MAGI2: variants seen among roughly 807,000 people sequenced by gnomAD.
MAGI2 encodes membrane-associated guanylate kinase, WW and PDZ domain-containing protein 2.
MAGI2 carries 35 observed loss-of-function variants against 133.3 expected under a neutral mutation model. That is an observed-to-expected ratio of 0.26 (90% CI 0.20 to 0.35). The LOEUF (loss-of-function observed/expected upper bound fraction) is 0.35, where lower values mean the gene tolerates loss of function less well. Among genes scored for constraint, MAGI2 ranks in the 10% least tolerant of loss-of-function variants. MAGI2 has a pLI of 1.00. For synonymous variants in MAGI2, 729 were observed against 710.6 expected (o/e 1.03, Z -0.41); for missense variants, 1,636 against 1,863.4 (o/e 0.88, Z 2.25).
At chr7:78,197,598 T>C (rs1434699103) in intron 11 of MAGI2, among the ~76,000 whole-genome samples, 1 of 152,208 alleles carries the variant, frequency 6.6e-6, no homozygotes, top group Non-Finnish European at 1.5e-5. Context: ...CCATGGCAGA[T>C]TGACAAATTC....
At chr7:79,295,910 T>C (rs1263311445) in intron 1 of MAGI2, among the ~76,000 whole-genome samples, 2 of 152,214 alleles carry the variant, frequency 1.3e-5, no homozygotes, top group African/African-American at 2.4e-5. Flanking sequence ...ATTTTACTTA[T>C]ATATTTATTC....
At chr7:78,650,733 T>C (rs753206534) in intron 2 of MAGI2, among the ~76,000 whole-genome samples, 2 of 152,188 alleles carry the variant, frequency 1.3e-5, no homozygotes, top group Non-Finnish European at 2.9e-5. Context: ...TCACTAAGTA[T>C]TTCTGCTGAC....
rs1317864482 is a variant in MAGI2 at position 78,642,213 on chromosome 7, A to G, written c.419-14974T>C. ...ATTGGATAAAGCAGTATTCACAGTA[A>G]TATTTTATGTTTGATAGAAAATTTG... On this transcript the variant is annotated intron_variant, in intron 2 of 21. Transcript: ENST00000354212. 3.9e-5 allele frequency among the ~76,000 whole-genome samples: 6 copies of G among 152,220 alleles called. No individual in the cohort carries two copies. The East Asian group carries it at 7.7e-4, about 20-fold the overall frequency.
intron 1 of MAGI2, among the ~76,000 whole-genome samples, chr7:79,135,949 A>G (rs1260596534): frequency 1.6e-4 from 3 of 19,290 alleles, no homozygotes; most frequent in Admixed American, 1.6e-3. Context: ...GAAAGAAAGA[A>G]AGAAAGAAAG....
chr7:78,689,611 A>G (rs890200659), intron 2 of MAGI2, among the ~76,000 whole-genome samples: 9 of 149,656 alleles, frequency 6.0e-5, no homozygotes, highest in African/African-American at 2.2e-4. Flanking sequence ...TTCTGTCACT[A>G]TAGATTAGTT....
intron 2 of MAGI2, among the ~76,000 whole-genome samples, chr7:78,792,543 C>A (rs1001818503): frequency 6.6e-6 from 1 of 152,076 alleles, no homozygotes; most frequent in African/African-American, 2.4e-5. Context: ...TCCTACACAC[C>A]CAGCCTGTCA....
intron 3 of MAGI2, among the ~76,000 whole-genome samples, chr7:78,524,655 TAAATC>T (rs1299293011): frequency 1.3e-5 from 2 of 152,198 alleles, no homozygotes; most frequent in Non-Finnish European, 2.9e-5. Context: ...GCATTTAAAA[TAAATC>T]AGACCTCTAT....
At chr7:78,866,425 T>G (rs1185839748) in intron 2 of MAGI2, among the ~76,000 whole-genome samples, 1 of 151,736 alleles carries the variant, frequency 6.6e-6, no homozygotes, top group South Asian at 2.1e-4. Context: ...TAGATATTTA[T>G]GGGTGGGGGA....
intron 20 of MAGI2, among the ~76,000 whole-genome samples, chr7:78,120,124 C>G (rs10232497): frequency 0.39 from 59,465 of 152,088 alleles, 11,602 homozygotes; most frequent in Middle Eastern, 0.45. Context: ...GACAAGTGGC[C>G]GGGCACAGTG....
At chr7:79,348,021 G>A (rs1223775379) in intron 1 of MAGI2, among the ~76,000 whole-genome samples, 1 of 151,518 alleles carries the variant, frequency 6.6e-6, no homozygotes, top group Non-Finnish European at 1.5e-5. Flanking sequence ...CAAACTAGTT[G>A]GTAAATCCTT....
chr7:78,483,878 T>G (rs1792689033), intron 6 of MAGI2, among the ~76,000 whole-genome samples: 1 of 151,998 alleles, frequency 6.6e-6, no homozygotes, highest in Admixed American at 6.6e-5. Context: ...GTTTTAGTAC[T>G]TGAATAGTTA....
intron 1 of MAGI2, among the ~76,000 whole-genome samples, chr7:79,017,912 G>T (rs552518043): frequency 6.6e-6 from 1 of 152,148 alleles, no homozygotes; most frequent in African/African-American, 2.4e-5. Flanking sequence ...AATAAATAAA[G>T]CCTCTGAGAA....
At chr7:78,924,258 A>T (rs10282441) in intron 2 of MAGI2, among the ~76,000 whole-genome samples, 72,989 of 151,802 alleles carry the variant, frequency 0.48, 18,684 homozygotes, top group African/African-American at 0.66. Context: ...AGAGAGGGCA[A>T]CCCTGTGTTG....
chr7:78,945,874 C>T (rs1216605472), intron 2 of MAGI2, among the ~76,000 whole-genome samples: 1 of 152,170 alleles, frequency 6.6e-6, no homozygotes, highest in Non-Finnish European at 1.5e-5. Context: ...CGGGATCTTC[C>T]TCATCTGTCC....
intron 2 of MAGI2, among the ~76,000 whole-genome samples, chr7:78,794,386 A>G (rs1787424749): frequency 6.6e-6 from 1 of 152,224 alleles, no homozygotes; most frequent in East Asian, 1.9e-4. Context: ...GCCCTTCTCC[A>G]CATAATTTAC....
chr7:79,290,554 A>C (rs1199068498), intron 1 of MAGI2, among the ~76,000 whole-genome samples: 1 of 151,902 alleles, frequency 6.6e-6, no homozygotes, highest in Non-Finnish European at 1.5e-5. Context: ...GTTCACCTCA[A>C]ATTTGCTTTC....
At chr7:78,246,088 T>G (rs965560027) in intron 10 of MAGI2, among the ~76,000 whole-genome samples, 5 of 152,106 alleles carry the variant, frequency 3.3e-5, no homozygotes, top group South Asian at 2.1e-4. Flanking sequence ...GGTTGCTGCA[T>G]CTTGTCAATC....
At chr7:79,121,917 T>A (rs1819937677) in intron 1 of MAGI2, among the ~76,000 whole-genome samples, 1 of 152,112 alleles carries the variant, frequency 6.6e-6, no homozygotes, top group African/African-American at 2.4e-5. Context: ...CTTTCATCAG[T>A]ATTTCACATT....
chr7:78,553,958 G>C (rs959309099), intron 3 of MAGI2, among the ~76,000 whole-genome samples: 52 of 152,184 alleles, frequency 3.4e-4, no homozygotes, highest in African/African-American at 1.0e-3. Flanking sequence ...CTGACCTGAA[G>C]TGGGATTTGT....
Sources: allele counts gnomAD v4.1 joint callset (sites outside exome capture counted in the v4.1 genomes callset), GRCh38; gene constraint gnomAD v4.1.1; transcripts MANE v1.5; gene names NCBI Gene and HGNC (gene_info 2026-07-23, HGNC 2026-07-21).